The following HCN1 variants were observed in gnomAD, a reference collection of about 807,000 sequenced individuals.
HCN1 encodes potassium/sodium hyperpolarization-activated cyclic nucleotide-gated channel 1.
HCN1 carries 13 observed loss-of-function variants against 78.9 expected under a neutral mutation model. The observed-to-expected ratio is 0.16, with a 90% CI of 0.11 to 0.26. The LOEUF is 0.26. HCN1 is among the 10% of genes least tolerant of loss of function. The pLI is 1.00. For synonymous variants in HCN1, 552 were observed against 455.5 expected (o/e 1.21, Z -2.70); for missense variants, 810 against 1,154.3 (o/e 0.70, Z 4.32).
intron 2 of HCN1, among the ~76,000 whole-genome samples, chr5:45,478,585 A>T (rs1674998627): frequency 6.6e-6 from 1 of 152,202 alleles, no homozygotes; most frequent in African/African-American, 2.4e-5. Context: ...GAAAGAAAAG[A>T]ATCACAGTGA....
chr5:45,366,571 G>T (rs1383674753), intron 4 of HCN1, among the ~76,000 whole-genome samples: 1 of 151,638 alleles, frequency 6.6e-6, no homozygotes, highest in African/African-American at 2.4e-5. Context: ...TCTCTAGTTT[G>T]TTTGAAATGC....
chr5:45,661,403 G>A (rs1488219754), intron 1 of HCN1, among the ~76,000 whole-genome samples: 1 of 150,556 alleles, frequency 6.6e-6, no homozygotes, highest in Non-Finnish European at 1.5e-5. Flanking sequence ...AACTAGAAAA[G>A]CAAGAGCAAA....
chr5:45,690,233 T>C (rs1361367532), intron 1 of HCN1, among the ~76,000 whole-genome samples: 1 of 152,116 alleles, frequency 6.6e-6, no homozygotes, highest in Non-Finnish European at 1.5e-5. Flanking sequence ...TAGGTTTATA[T>C]AAATAAAATT....
Position 45,353,263 on chromosome 5 carries a change from ATAAAAT to A in HCN1, c.1231-23_1231-18del. On this transcript the variant is annotated intron_variant, in intron 4 of 7. Transcript: ENST00000303230. ...TTGCTTATACTGTAAGGAAGGGAAA[ATAAAAT>A]TAAAAAAAAACATTGTTAGGGTGTA... 6.4e-7 allele frequency: 1 copy of A among 1,569,530 alleles called. No individual in the cohort carries two copies. Among genetic ancestry groups the A allele is most frequent in the Non-Finnish European group, 8.8e-7 (1 of 1,141,658 alleles).
At chr5:45,455,748 G>A (rs1275066798) in intron 3 of HCN1, among the ~76,000 whole-genome samples, 6 of 128,324 alleles carry the variant, frequency 4.7e-5, no homozygotes, top group African/African-American at 1.9e-4. Context: ...ATTAAGACAT[G>A]CTTCTGGAAC....
intron 2 of HCN1, among the ~76,000 whole-genome samples, chr5:45,487,725 T>C (rs539342557): frequency 6.6e-6 from 1 of 152,194 alleles, no homozygotes; most frequent in African/African-American, 2.4e-5. Context: ...ATTTTCAAAA[T>C]AATGCAAGAA....
chr5:45,613,634 A>C (rs1744886556), intron 2 of HCN1, among the ~76,000 whole-genome samples: 1 of 152,032 alleles, frequency 6.6e-6, no homozygotes, highest in Non-Finnish European at 1.5e-5. Flanking sequence ...AAAGGACTAT[A>C]AATCATGCTG....
At chr5:45,366,214 G>A (rs1747233674) in intron 4 of HCN1, among the ~76,000 whole-genome samples, 1 of 150,748 alleles carries the variant, frequency 6.6e-6, no homozygotes, top group Admixed American at 6.7e-5. Context: ...TCTCTTCTTT[G>A]TATGTTATGT....
At chr5:45,345,452 T>C (rs1426223736) in intron 5 of HCN1, among the ~76,000 whole-genome samples, 1 of 152,158 alleles carries the variant, frequency 6.6e-6, no homozygotes, top group African/African-American at 2.4e-5. Flanking sequence ...TACTACATGG[T>C]CACGCTGCAA....
rs113370153 is a variant in HCN1 at position 45,291,619 on chromosome 5, G to A, written c.1618+11980C>T. On this transcript the variant is annotated intron_variant, in intron 6 of 7. Transcript: ENST00000303230. ...GAGTGCAATGGTACAATCTTGGCTC[G>A]TTGCAACCTCCATCTCCTCAAGGGA... Among the ~76,000 whole-genome samples, 293 of 151,778 alleles carry A rather than the reference G, an allele frequency of 1.9e-3. 2 individuals carry two copies. The highest frequency in any genetic ancestry group is 6.7e-3 in the African/African-American group (277 of 41,408).
intron 5 of HCN1, among the ~76,000 whole-genome samples, chr5:45,333,595 C>A (rs1343823616): frequency 6.6e-6 from 1 of 151,672 alleles, no homozygotes; most frequent in Non-Finnish European, 1.5e-5. Flanking sequence ...TCAATGATTT[C>A]TTGTAGTAGC....
At chr5:45,289,044 A>C (rs1045461851) in intron 6 of HCN1, among the ~76,000 whole-genome samples, 2 of 152,016 alleles carry the variant, frequency 1.3e-5, no homozygotes, top group African/African-American at 4.8e-5. Flanking sequence ...TCAGTCCTTT[A>C]CTCATAAGCT....
At chr5:45,679,148 GCT>G (rs771721333) in intron 1 of HCN1, among the ~76,000 whole-genome samples, 2 of 152,002 alleles carry the variant, frequency 1.3e-5, no homozygotes, top group Non-Finnish European at 2.9e-5. Flanking sequence ...AAGATATTGG[GCT>G]CTGAGCCAGG....
chr5:45,687,590 T>G (rs1282870423), intron 1 of HCN1, among the ~76,000 whole-genome samples: 3 of 152,158 alleles, frequency 2.0e-5, no homozygotes, highest in African/African-American at 7.2e-5. Context: ...TATGAAGATA[T>G]CATTTGTGGA....
intron 2 of HCN1, among the ~76,000 whole-genome samples, chr5:45,587,094 G>C (rs1423209571): frequency 2.0e-5 from 3 of 152,330 alleles, no homozygotes; most frequent in African/African-American, 7.2e-5. Context: ...CTTTTACACT[G>C]TTGGTGGGAC....
chr5:45,569,532 T>C (rs1311685036), intron 2 of HCN1, among the ~76,000 whole-genome samples: 1 of 152,074 alleles, frequency 6.6e-6, no homozygotes, highest in Non-Finnish European at 1.5e-5. Flanking sequence ...TTTCACCATG[T>C]TTAGAGTTCT....
chr5:45,267,007 C>A, intron 7 of HCN1, 82 bp downstream of exon 7: 1 of 1,188,596 alleles, frequency 8.4e-7, no homozygotes, highest in Non-Finnish European at 1.3e-6. Flanking sequence ...CCACTCCCCA[C>A]TGCATTTGGG....
chr5:45,333,280 T>C (rs1746383298), intron 5 of HCN1, among the ~76,000 whole-genome samples: 1 of 151,898 alleles, frequency 6.6e-6, no homozygotes, highest in African/African-American at 2.4e-5. Flanking sequence ...GCCATTTGTA[T>C]GTCTTCTTCT....
At chr5:45,312,885 G>C (rs1020080549) in intron 5 of HCN1, among the ~76,000 whole-genome samples, 1 of 152,194 alleles carries the variant, frequency 6.6e-6, no homozygotes, top group Non-Finnish European at 1.5e-5. Flanking sequence ...GACCTGCATG[G>C]AGCCCCTCGC....
Sources: allele counts gnomAD v4.1 joint callset (sites outside exome capture counted in the v4.1 genomes callset), GRCh38; gene constraint gnomAD v4.1.1; transcripts MANE v1.5; gene names NCBI Gene and HGNC (gene_info 2026-07-23, HGNC 2026-07-21).